Variants in NMNAT3 observed in about 807,000 individuals in gnomAD.
NMNAT3 encodes the protein nicotinamide nucleotide adenylyltransferase 3, also known as nicotinamide/nicotinic acid mononucleotide adenylyltransferase 3.
In NMNAT3, 21 loss-of-function variants were observed where a neutral mutation model predicts 24.8. The ratio of observed to expected loss-of-function variants is 0.85; its 90% CI spans 0.60 to 1.22. NMNAT3 has a LOEUF of 1.22. NMNAT3 is among the 50% of genes most tolerant of loss of function. NMNAT3 has a pLI of 0.00. For synonymous variants in NMNAT3, 136 were observed against 155.2 expected, an observed-to-expected ratio of 0.88 and a Z score of 0.92; for missense variants, 387 against 436.6, an observed-to-expected ratio of 0.89 and a Z score of 1.01.
chr3:139,586,270 G>C (rs1559876875), intron 3 of NMNAT3, among the ~76,000 whole-genome samples: 1 of 152,108 alleles, frequency 6.6e-6, no homozygotes, highest in Non-Finnish European at 1.5e-5. Context: ...TAACTAATGG[G>C]CACCAAGCTT....
chr3:139,571,502 T>G (rs1938330074), intron 6 of NMNAT3: 1 of 152,198 alleles, frequency 6.6e-6, no homozygotes, highest in Admixed American at 6.5e-5. Flanking sequence ...ATAGTTTTCA[T>G]TTCATGTAAA....
Position 139,573,607 on chromosome 3 carries a change from T to A in NMNAT3, c.649A>T (p.Thr217Ser). 1 of 1,593,294 alleles carries A rather than the reference T, an allele frequency of 6.3e-7. No homozygotes were observed. The highest frequency in any genetic ancestry group is 2.3e-5 in the East Asian group (1 of 44,304). Residue 217 changes from threonine (T) to serine (S), a missense_variant, in exon 6 of 7, where the codon ACC becomes TCC. This residue lies in a region of NMNAT3 where 323 missense variants were observed against 345.2 expected (regional missense o/e 0.94). Transcript: ENST00000643695. ...GAGGATCAGCACCCACCTGCAGGGGTCGAGAAGAGTGCCTTGCCATGGTCT... is the reference window on the plus strand; with the variant it reads ...GAGGATCAGCACCCACCTGCAGGGGACGAGAAGAGTGCCTTGCCATGGTCT...
chr3:139,573,572 C>T (rs780533378), intron 6 of NMNAT3, 26 bp downstream of exon 6: 3 of 1,440,182 alleles, frequency 2.1e-6, no homozygotes, highest in South Asian at 2.6e-5. Flanking sequence ...TCTCATTCTC[C>T]TACAGACAAG....
intron 1 of NMNAT3, among the ~76,000 whole-genome samples, chr3:139,638,684 A>G (rs149877511): frequency 3.4e-4 from 51 of 152,196 alleles, no homozygotes; most frequent in African/African-American, 1.1e-3. Flanking sequence ...TTATTTCTCA[A>G]TTGGATCTGA....
chr3:139,586,203 A>G (rs528309978), intron 3 of NMNAT3, among the ~76,000 whole-genome samples: 4 of 152,212 alleles, frequency 2.6e-5, no homozygotes, highest in Non-Finnish European at 5.9e-5. Flanking sequence ...GAAGGGACCA[A>G]TACACACTGG....
At chr3:139,628,389 T>C (rs1211244853) in intron 2 of NMNAT3, among the ~76,000 whole-genome samples, 1 of 152,224 alleles carries the variant, frequency 6.6e-6, no homozygotes, top group Non-Finnish European at 1.5e-5. Context: ...TGTTTGAGAG[T>C]AAGTCATAGA....
chr3:139,657,149 C>T (rs200307610), intron 1 of NMNAT3, among the ~76,000 whole-genome samples: 1 of 152,186 alleles, frequency 6.6e-6, no homozygotes, highest in East Asian at 1.9e-4. Context: ...TAGTGAAGGG[C>T]CGGCCAGGCC....
chr3:139,622,162 G>A (rs575807701), intron 3 of NMNAT3, among the ~76,000 whole-genome samples: 1 of 152,242 alleles, frequency 6.6e-6, no homozygotes, highest in East Asian at 1.9e-4. Flanking sequence ...TCTCCATACT[G>A]TTTTTCATAA....
intron 3 of NMNAT3, among the ~76,000 whole-genome samples, chr3:139,613,254 C>T (rs544104727): frequency 6.6e-6 from 1 of 152,120 alleles, no homozygotes; most frequent in Non-Finnish European, 1.5e-5. Context: ...GGGCTAATAC[C>T]CGGAATCTAC....
chr3:139,672,169 C>G (rs2057778807), intron 1 of NMNAT3, among the ~76,000 whole-genome samples: 1 of 152,166 alleles, frequency 6.6e-6, no homozygotes, highest in Non-Finnish European at 1.5e-5. Context: ...AATCAAGGCT[C>G]TAACCCCTAC....
intron 1 of NMNAT3, among the ~76,000 whole-genome samples, chr3:139,658,577 T>C (rs1195411298): frequency 6.6e-6 from 1 of 152,242 alleles, no homozygotes; most frequent in Non-Finnish European, 1.5e-5. Context: ...AGTGAACATC[T>C]GGATATTCAC....
chr3:139,620,497 A>T (rs2055718214), intron 3 of NMNAT3, among the ~76,000 whole-genome samples: 1 of 152,040 alleles, frequency 6.6e-6, no homozygotes. Context: ...CTGCTGGTTC[A>T]TTCCTTTTTA....
intron 5 of NMNAT3, chr3:139,575,578 C>T: frequency 1.0e-6 from 1 of 995,940 alleles, no homozygotes; most frequent in South Asian, 4.5e-5. Context: ...TCTCATTTTA[C>T]TTACCTTGAA....
At chr3:139,655,661 G>A (rs565497332) in intron 1 of NMNAT3, among the ~76,000 whole-genome samples, 2 of 152,298 alleles carry the variant, frequency 1.3e-5, no homozygotes, top group East Asian at 1.9e-4. Context: ...TAAAGTGCCC[G>A]AGCCACAGAA....
chr3:139,577,851 G>A (rs1228687366), intron 5 of NMNAT3: 1 of 152,192 alleles, frequency 6.6e-6, no homozygotes, highest in Non-Finnish European at 1.5e-5. Context: ...ACAGTAAAAG[G>A]TAAGTAATAA....
intron 1 of NMNAT3, among the ~76,000 whole-genome samples, chr3:139,646,205 G>A (rs1201534288): frequency 6.6e-6 from 1 of 152,156 alleles, no homozygotes; most frequent in African/African-American, 2.4e-5. Flanking sequence ...AGTGTTTAGT[G>A]TTATGTTGAG....
At chr3:139,602,789 A>G (rs1393357155) in intron 3 of NMNAT3, among the ~76,000 whole-genome samples, 1 of 152,214 alleles carries the variant, frequency 6.6e-6, no homozygotes, top group Non-Finnish European at 1.5e-5. Flanking sequence ...TTAGATTGTA[A>G]ATGTTTGATG....
intron 3 of NMNAT3, among the ~76,000 whole-genome samples, chr3:139,595,677 C>A (rs1314554300): frequency 3.3e-5 from 5 of 152,014 alleles, no homozygotes; most frequent in Admixed American, 3.3e-4. Context: ...ACTATCTGAT[C>A]TTTGACAAAC....
rs1364350500 is a variant in NMNAT3 at position 139,609,815 on chromosome 3, C to G, written c.109+17801G>C. ...ACTCCTTAGGCAACCTGGTGGTCCCCCACTCCCAGGAGGTCACCATACTGA... is the reference window on the plus strand; with the variant it reads ...ACTCCTTAGGCAACCTGGTGGTCCCGCACTCCCAGGAGGTCACCATACTGA... On this transcript the variant is annotated intron_variant, in intron 3 of 6. Coordinates refer to ENST00000643695, the MANE Select transcript of NMNAT3 (RefSeq NM_001320510.2). The G allele has an allele frequency of 2.6e-5, 4 of 152,162 alleles. No homozygotes were observed. In the East Asian group the frequency reaches 7.7e-4, roughly 29 times the overall value. The allele number at this position is 152,162 out of a possible 1,614,324, so 9.4% of individuals were successfully genotyped here.
Sources: gnomAD v4.1 joint callset for allele counts (sites outside exome capture counted in the v4.1 genomes callset) on GRCh38, gnomAD v4.1.1 for gene constraint, gnomAD v4.1.1 regional missense constraint, MANE v1.5 for transcripts, NCBI Gene and HGNC (gene_info 2026-07-23, HGNC 2026-07-21) for gene names.